The following FECH variants were observed in gnomAD, a reference collection of about 807,000 sequenced individuals.
FECH encodes ferrochelatase, mitochondrial.
FECH carries 40 observed loss-of-function variants against 56.9 expected under a neutral mutation model. The ratio of observed to expected loss-of-function variants is 0.70; its 90% confidence interval spans 0.55 to 0.92. The LOEUF is 0.92. Ranked by LOEUF, FECH falls within the 40% of genes least tolerant of loss-of-function variation. The probability of loss-of-function intolerance (pLI) is 0.00; values close to 1 mark genes in which losing one functional copy is unlikely to be tolerated. For synonymous variants in FECH, 175 were observed against 198.6 expected (o/e 0.88, Z 1.00); for missense variants, 431 against 529.1 (o/e 0.81, Z 1.82).
chr18:57,564,839 A>G (rs1229183776), intron 5 of FECH, among the ~76,000 whole-genome samples: 1 of 152,270 alleles, frequency 6.6e-6, no homozygotes, highest in Non-Finnish European at 1.5e-5. Context: ...GAAACATTCA[A>G]CAAACAACCC....
intron 1 of FECH, among the ~76,000 whole-genome samples, chr18:57,581,976 T>C (rs1436862332): frequency 1.3e-5 from 2 of 151,988 alleles, no homozygotes; most frequent in African/African-American, 4.8e-5. Context: ...CATAAAGAAG[T>C]TCAATTCCAT....
chr18:57,561,583 T>A (rs1242836462), intron 6 of FECH, among the ~76,000 whole-genome samples: 1 of 152,250 alleles, frequency 6.6e-6, no homozygotes, highest in Non-Finnish European at 1.5e-5. Flanking sequence ...GGCAGATAAA[T>A]GCCTCTAAAA....
intron 2 of FECH, among the ~76,000 whole-genome samples, chr18:57,579,313 GTA>G (rs1555681608): frequency 4.9e-5 from 7 of 143,768 alleles, no homozygotes; most frequent in Admixed American, 2.1e-4. Context: ...GTGTGTGTGT[GTA>G]TATATTCATA....
chr18:57,551,514 G>A (rs2050798128), intron 9 of FECH, 140 bp from the exon 10 acceptor site: 3 of 692,274 alleles, frequency 4.3e-6, no homozygotes, highest in Non-Finnish European at 7.7e-6. Flanking sequence ...TTCGCAGACT[G>A]CTCATTAATG....
At chr18:57,586,081 TGC>T (rs2051367661) in intron 1 of FECH, 1 of 156,822 alleles carries the variant, frequency 6.4e-6, no homozygotes, top group Non-Finnish European at 1.4e-5. Context: ...GGGGTCCCGC[TGC>T]TAAGGAGAAG....
chr18:57,558,322 G>T (rs1021442131), intron 7 of FECH, among the ~76,000 whole-genome samples: 9 of 152,228 alleles, frequency 5.9e-5, no homozygotes, highest in African/African-American at 2.2e-4. Flanking sequence ...CTATGGCACA[G>T]ATTGTAGCAT....
In FECH at chr18:57,573,332, C is replaced by G; in HGVS notation, c.228G>C (p.Met76Ile). 6.2e-7 allele frequency: 1 copy of G among 1,614,118 alleles called. No individual in the cohort carries two copies. Among genetic ancestry groups the G allele is most frequent in the Non-Finnish European group, 8.5e-7 (1 of 1,179,986 alleles). The change falls in exon 3 of 11, where the codon ATG becomes ATC. Residue 76 changes from methionine to isoleucine, a missense_variant. By Grantham distance (10) the Met-to-Ile change is conservative. Coordinates refer to ENST00000262093, the MANE Select transcript of FECH (RefSeq NM_000140.5). The stretch of plus-strand genomic sequence containing the variant: ...CATCTCCAAGAGTTTCAGGGCCTCC[C>G]ATGTTTAGCATTAATATTCCAGTTT... ...KPKTGILMLN[M>I]GGPETLGDVH...
chr18:57,552,877 G>A (rs1174225171), intron 9 of FECH, among the ~76,000 whole-genome samples: 1 of 152,154 alleles, frequency 6.6e-6, no homozygotes, highest in East Asian at 1.9e-4. Flanking sequence ...CAATGTTGAT[G>A]GGAGAGTCAG....
Position 57,580,138 on chromosome 18 carries a change from C to T in FECH, c.129G>A (p.Ala43=), listed in dbSNP as rs140212497. Residue 43 remains alanine, a synonymous_variant, in exon 2 of 11, where the codon GCG becomes GCA. Transcript: ENST00000262093. ...PWRWKSGAAA[A]AVTTETAQHA... The stretch of plus-strand genomic sequence containing the variant: ...GCTGGGCTGTTTCTGTGGTGACGGC[C>T]GCTGCAGCTGCACCTGACTTCCACC... 5.0e-6 allele frequency: 8 copies of T among 1,614,182 alleles called. No homozygotes were observed. In the East Asian group the frequency reaches 6.7e-5, roughly 13 times the overall value.
chr18:57,575,388 T>C (rs930364740), intron 2 of FECH, among the ~76,000 whole-genome samples: 2 of 152,180 alleles, frequency 1.3e-5, no homozygotes, highest in East Asian at 3.8e-4. Context: ...AGAGCCTGTA[T>C]AGAGAAACAT....
At chr18:57,579,290 T>C (rs188958898) in intron 2 of FECH, among the ~76,000 whole-genome samples, 2 of 98,486 alleles carry the variant, frequency 2.0e-5, no homozygotes, top group East Asian at 2.1e-4. Context: ...TGTGTATATA[T>C]GTGTGTGTGT....
At chr18:57,565,568 C>A in intron 5 of FECH, among the ~76,000 whole-genome samples, 1 of 148,968 alleles carries the variant, frequency 6.7e-6, no homozygotes, top group Non-Finnish European at 1.5e-5. Context: ...AAGATACCAT[C>A]TCAGAAAAAA....
chr18:57,559,171 A>T lies in FECH; in HGVS notation c.778T>A (p.Phe260Ile). 1 of 1,613,586 alleles carries T rather than the reference A, an allele frequency of 6.2e-7. No individual in the cohort carries two copies. The highest frequency in any genetic ancestry group is 8.5e-7 in the Non-Finnish European group (1 of 1,179,562). The change falls in exon 7 of 11, where the codon TTT (phenylalanine) becomes ATT (isoleucine). Residue 260 changes from phenylalanine (F) to isoleucine (I), a missense_variant. Phe to Ile is a conservative substitution (Grantham distance 21). Coordinates refer to ENST00000262093, the MANE Select transcript of FECH (RefSeq NM_000140.5). The part of the protein sequence containing the change: ...LEKRSEVVIL[F>I]SAHSLPMSVV... Reference sequence around the variant, plus strand: ...GACATGGGCAGTGAGTGAGCAGAAAACAGAATGACCACCTCGCTTCTCTTC... The same window carrying T: ...GACATGGGCAGTGAGTGAGCAGAAATCAGAATGACCACCTCGCTTCTCTTC...
chr18:57,579,475 T>C (rs189949279), intron 2 of FECH, among the ~76,000 whole-genome samples: 177 of 152,156 alleles, frequency 1.2e-3, no homozygotes, highest in Middle Eastern at 6.8e-3. Flanking sequence ...GAGTCTTCTG[T>C]TGCCTCTGTA....
At chr18:57,570,053 G>A (rs2051079729) in intron 4 of FECH, among the ~76,000 whole-genome samples, 1 of 111,836 alleles carries the variant, frequency 8.9e-6, no homozygotes, top group Non-Finnish European at 2.2e-5. Flanking sequence ...GTGTGTGTGT[G>A]TGTGTGTGTG....
At chr18:57,586,503 C>A in intron 1 of FECH, 51 bp downstream of exon 1, 2 of 1,511,168 alleles carry the variant, frequency 1.3e-6, no homozygotes, top group South Asian at 2.4e-5. Context: ...GCTCTGCCCA[C>A]GCCTTCTCAG....
At chr18:57,570,029 TGTC>T (rs34942404) in intron 4 of FECH, among the ~76,000 whole-genome samples, 10,008 of 98,376 alleles carry the variant, frequency 0.1, 499 homozygotes, top group East Asian at 0.16. Flanking sequence ...TTGTTGTTGT[TGTC>T]GTGTGTGTGT....
At chr18:57,586,473 G>A in intron 1 of FECH, 81 bp downstream of exon 1, 1 of 1,421,852 alleles carries the variant, frequency 7.0e-7, no homozygotes, top group South Asian at 1.3e-5. Context: ...CGGGCGCGAG[G>A]GCCCGGGCGC....
chr18:57,562,228 A>C (rs956456091), intron 6 of FECH, among the ~76,000 whole-genome samples: 2 of 152,240 alleles, frequency 1.3e-5, no homozygotes, highest in African/African-American at 4.8e-5. Flanking sequence ...AATTTAGGGC[A>C]ATATTTTACC....
Sources: allele counts gnomAD v4.1 joint callset (sites outside exome capture counted in the v4.1 genomes callset), GRCh38; gene constraint gnomAD v4.1.1; transcripts MANE v1.5; gene names NCBI Gene and HGNC (gene_info 2026-07-23, HGNC 2026-07-21).